The following PLCL2 variants were observed in gnomAD, a reference collection of about 807,000 sequenced individuals.
PLCL2 encodes phospholipase C like 2.
Under a neutral mutation model 79.6 loss-of-function variants are expected in PLCL2, and 4 were observed. That is an observed-to-expected ratio of 0.05 (90% CI 0.02 to 0.11). The LOEUF is 0.11. Ranked by LOEUF, PLCL2 falls within the 10% of genes least tolerant of loss-of-function variation. PLCL2 has a pLI of 1.00. For missense variants in PLCL2, 895 were observed against 1,291.0 expected (o/e 0.69, Z 4.70); for synonymous variants, 484 against 457.7 (o/e 1.06, Z -0.73).
intron 5 of PLCL2, among the ~76,000 whole-genome samples, chr3:17,084,259 A>C (rs1559292605): frequency 6.6e-6 from 1 of 152,222 alleles, no homozygotes; most frequent in East Asian, 1.9e-4. Context: ...AATCTGAATA[A>C]TTCTATATCT....
chr3:17,067,305 A>G (rs2065019761), intron 4 of PLCL2, among the ~76,000 whole-genome samples: 1 of 152,246 alleles, frequency 6.6e-6, no homozygotes, highest in South Asian at 2.1e-4. Context: ...AAAAAAAAGC[A>G]TAAAATTTTT....
At chr3:16,907,523 G>C (rs759642021) in intron 1 of PLCL2, among the ~76,000 whole-genome samples, 2 of 152,170 alleles carry the variant, frequency 1.3e-5, no homozygotes, top group Non-Finnish European at 2.9e-5. Context: ...TGTTAACTCT[G>C]TGCTAAGGTG....
chr3:17,075,859 C>G (rs184843830), intron 5 of PLCL2, among the ~76,000 whole-genome samples: 49 of 152,278 alleles, frequency 3.2e-4, no homozygotes, highest in African/African-American at 1.2e-3. Context: ...TACTCCATTC[C>G]TTTTTATTGC....
intron 1 of PLCL2, among the ~76,000 whole-genome samples, chr3:16,968,677 C>A (rs552174027): frequency 6.6e-6 from 1 of 152,192 alleles, no homozygotes; most frequent in South Asian, 2.1e-4. Flanking sequence ...GGGACAGAAA[C>A]TATGGGGTGT....
At chr3:17,039,254 A>G (rs2064692730) in intron 3 of PLCL2, among the ~76,000 whole-genome samples, 1 of 152,194 alleles carries the variant, frequency 6.6e-6, no homozygotes, top group South Asian at 2.1e-4. Context: ...CCTCAGTGCC[A>G]TGTGCACTAC....
chr3:16,908,015 C>T (rs1204841115), intron 1 of PLCL2, among the ~76,000 whole-genome samples: 3 of 151,946 alleles, frequency 2.0e-5, no homozygotes, highest in Admixed American at 1.3e-4. Context: ...AGTGAAAATA[C>T]TGTGTGGGCT....
chr3:16,903,274 G>GA (rs908499029), intron 1 of PLCL2, among the ~76,000 whole-genome samples: 1 of 151,668 alleles, frequency 6.6e-6, no homozygotes, highest in Non-Finnish European at 1.5e-5. Context: ...AAGTTTATTT[G>GA]AAAAAAATTA....
chr3:16,885,481 C>T (rs543614223), intron 1 of PLCL2, 115 bp downstream of exon 1: 1 of 494,506 alleles, frequency 2.0e-6, no homozygotes, highest in East Asian at 3.5e-5. Flanking sequence ...ACCACTGGAG[C>T]ATGGGTGCTT....
rs145427516 is a variant in PLCL2, at chr3:17,015,837, C to T, written c.3018+926C>T. On this transcript the variant is annotated intron_variant, in intron 3 of 5. Transcript: ENST00000615277. ...TAAACAGAAATATTTTTGACTGTTT[C>T]ATAAGTTGTCTGAAAGCTGTAATTT... 4.2e-3 allele frequency among the ~76,000 whole-genome samples: 633 copies of T among 152,302 alleles called. 2 individuals are homozygous for T. Among genetic ancestry groups the T allele is most frequent in the African/African-American group, 0.015 (606 of 41,562 alleles).
At chr3:17,086,221 G>A (rs746770033) in intron 5 of PLCL2, among the ~76,000 whole-genome samples, 3 of 152,172 alleles carry the variant, frequency 2.0e-5, no homozygotes, top group African/African-American at 4.8e-5. Flanking sequence ...ATAAAACAGT[G>A]TGAAAAGAAT....
At chr3:17,036,256 A>C (rs2064654021) in intron 3 of PLCL2, among the ~76,000 whole-genome samples, 1 of 152,116 alleles carries the variant, frequency 6.6e-6, no homozygotes, top group South Asian at 2.1e-4. Flanking sequence ...CTGGCCAAAG[A>C]CCTCTACAGC....
At chr3:16,956,327 A>G (rs985989104) in intron 1 of PLCL2, among the ~76,000 whole-genome samples, 2 of 152,204 alleles carry the variant, frequency 1.3e-5, no homozygotes, top group African/African-American at 2.4e-5. Flanking sequence ...ATGCTGGATT[A>G]TGTTTATTGA....
chr3:16,970,974 A>G (rs891760111), intron 1 of PLCL2, among the ~76,000 whole-genome samples: 18 of 152,162 alleles, frequency 1.2e-4, no homozygotes, highest in African/African-American at 4.3e-4. Flanking sequence ...CTTTTATCAG[A>G]TAAGTAGGTT....
intron 1 of PLCL2, among the ~76,000 whole-genome samples, chr3:16,993,669 C>T (rs2064125735): frequency 1.3e-5 from 2 of 152,098 alleles, no homozygotes; most frequent in South Asian, 2.1e-4. Context: ...AAATAAAATA[C>T]AGTATAATTA....
chr3:16,939,598 A>G (rs889464885), intron 1 of PLCL2, among the ~76,000 whole-genome samples: 2 of 152,252 alleles, frequency 1.3e-5, no homozygotes, highest in Non-Finnish European at 2.9e-5. Flanking sequence ...GCAGTGTATT[A>G]AAATTGGGTG....
intron 1 of PLCL2, among the ~76,000 whole-genome samples, chr3:16,994,417 A>T (rs925612957): frequency 5.3e-5 from 8 of 152,134 alleles, no homozygotes; most frequent in Non-Finnish European, 1.2e-4. Flanking sequence ...GTGGATGTAT[A>T]TTGTTGCTCT....
intron 1 of PLCL2, among the ~76,000 whole-genome samples, chr3:16,953,867 C>G (rs1332349757): frequency 1.3e-5 from 2 of 151,666 alleles, no homozygotes; most frequent in African/African-American, 4.8e-5. Context: ...ATGATGGGTC[C>G]CAAGTATCAT....
chr3:16,890,200 G>T (rs1182964680), intron 1 of PLCL2, among the ~76,000 whole-genome samples: 2 of 152,164 alleles, frequency 1.3e-5, no homozygotes, highest in Admixed American at 6.5e-5. Context: ...AAATCTACTT[G>T]CTCCCTTTTG....
intron 4 of PLCL2, among the ~76,000 whole-genome samples, chr3:17,052,496 G>A (rs888308975): frequency 6.6e-6 from 1 of 152,192 alleles, no homozygotes; most frequent in African/African-American, 2.4e-5. Flanking sequence ...AGATCCTCCT[G>A]ATGATACTGG....
Sources: gnomAD v4.1 joint callset for allele counts (sites outside exome capture counted in the v4.1 genomes callset) on GRCh38, gnomAD v4.1.1 for gene constraint, MANE v1.5 for transcripts, NCBI Gene and HGNC (gene_info 2026-07-23, HGNC 2026-07-21) for gene names.